Variants in RHOT1 observed in about 807,000 individuals in gnomAD.
RHOT1 encodes ras homolog family member T1.
In RHOT1, 27 loss-of-function variants were observed where a neutral mutation model predicts 95.3. That is an observed-to-expected ratio of 0.28 (90% confidence interval 0.21 to 0.39). RHOT1 has a LOEUF of 0.39. Ranked by LOEUF, RHOT1 falls within the 10% of genes least tolerant of loss-of-function variation. The pLI is 1.00. For synonymous variants in RHOT1, 227 were observed against 263.5 expected (o/e 0.86, Z 1.34); for missense variants, 578 against 786.7 (o/e 0.73, Z 3.17).
intron 19 of RHOT1, among the ~76,000 whole-genome samples, chr17:32,218,380 A>G (rs2038616096): frequency 6.6e-6 from 1 of 151,822 alleles, no homozygotes; most frequent in Admixed American, 6.6e-5. Context: ...GATGGCTCAC[A>G]CCTGTGGTCC....
chr17:32,175,226 G>GATGTTAGA, intron 3 of RHOT1, 93 bp from the exon 4 acceptor site: 1 of 1,019,636 alleles, frequency 9.8e-7, no homozygotes, highest in Non-Finnish European at 1.5e-6. Context: ...CATTTTGAGG[G>GATGTTAGA]ATGTTAGATG....
At position 32,200,961 on chromosome 17, in the gene RHOT1, C is replaced by T. The variant is rs1287847319; in HGVS notation, c.1106C>T (p.Thr369Met). The T allele has an allele frequency of 5.0e-6, 8 of 1,607,074 alleles. No homozygotes were observed. Among genetic ancestry groups the T allele is most frequent in the Admixed American group, 3.3e-5 (2 of 59,766 alleles). ...YQGFLSQWTLTTYLDVQRCLE... is the reference protein window; with the variant it reads ...YQGFLSQWTLMTYLDVQRCLE... ...TAAACTCTTTTCTTTCATAGGCTCA[C>T]GACTTATTTAGATGTACAGCGGTGC... Residue 369 changes from threonine (T) to methionine (M), a missense_variant, in exon 14 of 20, where the codon ACG becomes ATG. By Grantham distance (81) the Thr-to-Met change is moderately conservative. Transcript: ENST00000545287.
At chr17:32,161,127 G>C (rs2033509888) in intron 1 of RHOT1, among the ~76,000 whole-genome samples, 1 of 152,200 alleles carries the variant, frequency 6.6e-6, no homozygotes, top group African/African-American at 2.4e-5. Context: ...CCATGCAGGA[G>C]AACTAAATGT....
At chr17:32,217,119 A>G (rs970522461) in intron 19 of RHOT1, among the ~76,000 whole-genome samples, 25 of 152,340 alleles carry the variant, frequency 1.6e-4, no homozygotes, top group African/African-American at 6.0e-4. Flanking sequence ...TAGTTAACAT[A>G]TAGATATTGG....
In RHOT1 at chr17:32,142,616, C is replaced by T. The variant is rs2142317200; in HGVS notation, c.-77C>T. 2 of 1,301,126 alleles carry T rather than the reference C, an allele frequency of 1.5e-6. No individual in the cohort carries two copies. Among genetic ancestry groups the T allele is most frequent in the East Asian group, 3.0e-5 (1 of 32,958 alleles). The allele number at this position is 1,301,126 out of a possible 1,614,324, so 80.6% of individuals were successfully genotyped here. ...CGGCCGAAGAGGCTGGCAGGTGGCG[C>T]CGTGGGGTGGGTGCTCCTGGTGAGA... is the stretch of plus-strand genomic sequence containing the variant. On this transcript the variant is annotated 5_prime_UTR_variant, in exon 1 of 20. Transcript: ENST00000545287.
chr17:32,186,070 A>G (rs556543706), intron 8 of RHOT1, among the ~76,000 whole-genome samples: 43 of 152,248 alleles, frequency 2.8e-4, no homozygotes, highest in African/African-American at 9.6e-4. Context: ...GCTGAGTCAC[A>G]TGGTAATTGT....
intron 1 of RHOT1, chr17:32,150,995 C>A: frequency 1.3e-6 from 2 of 1,536,116 alleles, no homozygotes; most frequent in Admixed American, 1.9e-5. Flanking sequence ...CAATTTGAAT[C>A]GCCGGTTCCT....
At chr17:32,146,362 T>C (rs1383101503) in intron 1 of RHOT1, among the ~76,000 whole-genome samples, 1 of 152,176 alleles carries the variant, frequency 6.6e-6, no homozygotes, top group Non-Finnish European at 1.5e-5. Flanking sequence ...GCTAGTTCAG[T>C]TTGTTTAGAC....
At chr17:32,201,649 A>G (rs2142844069) in intron 14 of RHOT1, among the ~76,000 whole-genome samples, 1 of 152,298 alleles carries the variant, frequency 6.6e-6, no homozygotes, top group Middle Eastern at 3.4e-3. Flanking sequence ...TCAACACCAG[A>G]GAATAAGAAA....
At position 32,192,285 on chromosome 17, in the gene RHOT1, C is replaced by A; in HGVS notation, c.625C>A (p.Leu209Ile). 2 of 1,507,486 alleles carry A rather than the reference C, an allele frequency of 1.3e-6. No homozygotes were observed. The highest frequency in any genetic ancestry group is 1.8e-6 in the Non-Finnish European group (2 of 1,101,504). 93.4% of individuals were successfully genotyped at this position (1,507,486 alleles called of 1,614,324 possible). Residue 209 changes from leucine to isoleucine, a missense_variant, in exon 9 of 20, where the codon CTC (leucine) becomes ATC (isoleucine). Physicochemically the swap from Leu to Ile is conservative, Grantham distance 5. Around this residue, in one of 4 missense-constraint regions of RHOT1, gnomAD observed 227 missense variants for 316.0 expected, o/e 0.72. Coordinates refer to ENST00000545287, the MANE Select transcript of RHOT1 (RefSeq NM_001033566.3). Reference protein sequence around the residue: ...DNDGTLNDAELNFFQRICFNT... With the variant: ...DNDGTLNDAEINFFQRICFNT... ...TGATGGTACTCTCAATGATGCTGAACTCAACTTCTTTCAGGTAATGGTCCT... is the reference window on the plus strand; with the variant it reads ...TGATGGTACTCTCAATGATGCTGAAATCAACTTCTTTCAGGTAATGGTCCT...
intron 13 of RHOT1, among the ~76,000 whole-genome samples, chr17:32,200,285 T>C (rs2037214818): frequency 6.6e-6 from 1 of 152,082 alleles, no homozygotes; most frequent in African/African-American, 2.4e-5. Flanking sequence ...CTAAGGAGGT[T>C]GTTTTTTTTG....
chr17:32,181,557 G>A (rs1460951528), intron 6 of RHOT1, among the ~76,000 whole-genome samples: 1 of 151,874 alleles, frequency 6.6e-6, no homozygotes, highest in East Asian at 1.9e-4. Context: ...TTAAAAATTT[G>A]TTAGTGATAG....
intron 6 of RHOT1, chr17:32,179,856 G>C (rs1435647734): frequency 7.7e-6 from 1 of 129,250 alleles, no homozygotes; most frequent in Non-Finnish European, 1.5e-5. Flanking sequence ...GCCTCTACCT[G>C]GCTGCCCCAT....
rs1187895968 is a variant in RHOT1 at position 32,151,247 on chromosome 17, C to T, written c.37+8518C>T. 16 of 714,102 alleles carry T rather than the reference C, an allele frequency of 2.2e-5. No individual in the cohort carries two copies. The East Asian group carries it at 3.5e-4, about 15-fold the overall frequency. The allele number at this position is 714,102 out of a possible 1,614,324, so 44.2% of individuals were successfully genotyped here. ...AGCTTCTAGTTCTTTATACTGTTGGCGGGTGAATGAAGTACATTCTTGATG... is the reference window on the plus strand; with the variant it reads ...AGCTTCTAGTTCTTTATACTGTTGGTGGGTGAATGAAGTACATTCTTGATG... On this transcript the variant is annotated intron_variant, in intron 1 of 19. Transcript: ENST00000545287.
chr17:32,198,909 G>T (rs1207455833), intron 11 of RHOT1, 38 bp from the exon 12 acceptor site: 2 of 1,320,844 alleles, frequency 1.5e-6, no homozygotes, highest in East Asian at 2.3e-5. Context: ...TTTAACATTT[G>T]ATTAATGATT....
intron 9 of RHOT1, among the ~76,000 whole-genome samples, chr17:32,192,664 CTT>C (rs992979598): frequency 8.5e-5 from 11 of 129,142 alleles, no homozygotes; most frequent in Admixed American, 2.3e-4. Context: ...ACATGTTTTA[CTT>C]TTTTTTTTTT....
intron 1 of RHOT1, among the ~76,000 whole-genome samples, chr17:32,151,738 C>T (rs1252091414): frequency 3.3e-5 from 5 of 151,836 alleles, no homozygotes; most frequent in South Asian, 4.2e-4. Context: ...AAAAATTAGC[C>T]GGGCATGGTG....
Position 32,173,858 on chromosome 17 carries a change from A to T in RHOT1, c.124A>T (p.Ile42Phe). Residue 42 changes from isoleucine (I) to phenylalanine (F), a missense_variant, in exon 3 of 20, where the codon ATT becomes TTT. Ile to Phe is a conservative substitution (Grantham distance 21). This residue lies in a region of RHOT1 where 51 missense variants were observed against 114.7 expected (regional missense o/e 0.44). Transcript: ENST00000545287. ...TCCTCCCCGGGCAGAAGAAATCACC[A>T]TTCCAGCTGATGTCACCCCAGAGAG... ...EVPPRAEEIT[I>F]PADVTPERVP... The T allele has an allele frequency of 6.2e-7, 1 of 1,611,592 alleles. No individual in the cohort carries two copies.
In RHOT1 at chr17:32,169,110, T is replaced by C. The variant is rs551801798; in HGVS notation, c.38-1933T>C. Among the ~76,000 whole-genome samples the C allele has an allele frequency of 8.5e-5, 13 of 152,322 alleles. No individual in the cohort carries two copies. In the East Asian group the frequency reaches 2.3e-3, roughly 27 times the overall value. ...AGCGGTACTCGGTTGTTCATAGCCCTCTCTAAGCTGTTTTCACTCTCCTTC... is the reference window on the plus strand; with the variant it reads ...AGCGGTACTCGGTTGTTCATAGCCCCCTCTAAGCTGTTTTCACTCTCCTTC... On this transcript the variant is annotated intron_variant, in intron 1 of 19. Transcript: ENST00000545287.
Sources: allele counts gnomAD v4.1 joint callset (sites outside exome capture counted in the v4.1 genomes callset), GRCh38; gene constraint gnomAD v4.1.1; regional missense constraint gnomAD v4.1.1; transcripts MANE v1.5; gene names NCBI Gene and HGNC (gene_info 2026-07-23, HGNC 2026-07-21).